The following SLC9A9 variants were observed in gnomAD, a reference collection of about 807,000 sequenced individuals.
SLC9A9 encodes solute carrier family 9 member A9.
A neutral mutation model predicts 77.8 loss-of-function variants in SLC9A9; 62 were observed. The ratio of observed to expected loss-of-function variants is 0.80; its 90% CI spans 0.65 to 0.98. SLC9A9 has a LOEUF of 0.98. Ranked by LOEUF, SLC9A9 falls within the 50% of genes least tolerant of loss-of-function variation. The pLI is 0.00. For missense variants in SLC9A9, 775 were observed against 774.9 expected (o/e 1.00, Z 0.00); for synonymous variants, 320 against 283.5 (o/e 1.13, Z -1.29).
intron 14 of SLC9A9, among the ~76,000 whole-genome samples, chr3:143,324,564 G>A (rs2031520025): frequency 6.6e-6 from 1 of 152,190 alleles, no homozygotes; most frequent in Non-Finnish European, 1.5e-5. Flanking sequence ...GCTCATGCCT[G>A]TAATCCCAGC....
chr3:143,734,463 C>T (rs1428014547), intron 4 of SLC9A9, among the ~76,000 whole-genome samples: 1 of 152,080 alleles, frequency 6.6e-6, no homozygotes, highest in African/African-American at 2.4e-5. Flanking sequence ...TGGCTGGGTG[C>T]AGTGGCTCAT....
chr3:143,314,641 C>T (rs1344594530), intron 14 of SLC9A9, among the ~76,000 whole-genome samples: 1 of 152,228 alleles, frequency 6.6e-6, no homozygotes, highest in African/African-American at 2.4e-5. Flanking sequence ...AAAAAGTTCT[C>T]CTTTGGCCCT....
chr3:143,380,459 T>G (rs561641858), intron 13 of SLC9A9, among the ~76,000 whole-genome samples: 473 of 42,644 alleles, frequency 0.011, 3 homozygotes, highest in African/African-American at 0.063. Flanking sequence ...AAAATTTAGA[T>G]AAAAGTTTTC....
intron 12 of SLC9A9, 78 bp from the exon 13 acceptor site, chr3:143,382,192 C>T (rs2033321550): frequency 1.4e-6 from 2 of 1,436,674 alleles, no homozygotes; most frequent in Non-Finnish European, 2.0e-6. Flanking sequence ...GATGACCTAA[C>T]CCAAACACAA....
intron 4 of SLC9A9, among the ~76,000 whole-genome samples, chr3:143,783,451 C>T (rs1370428081): frequency 2.6e-5 from 4 of 152,136 alleles, no homozygotes; most frequent in Non-Finnish European, 4.4e-5. Flanking sequence ...AGAGGCGTCT[C>T]CTGGCCCCCT....
At chr3:143,802,022 C>T (rs2008576066) in intron 2 of SLC9A9, among the ~76,000 whole-genome samples, 1 of 152,164 alleles carries the variant, frequency 6.6e-6, no homozygotes, top group African/African-American at 2.4e-5. Flanking sequence ...ATCCCATTGC[C>T]CTCGGCAACG....
chr3:143,325,715 T>C (rs545769050), intron 14 of SLC9A9, among the ~76,000 whole-genome samples: 2 of 152,364 alleles, frequency 1.3e-5, no homozygotes, highest in South Asian at 4.1e-4. Context: ...TTGGACCTCA[T>C]GCTGGTCAGT....
chr3:143,502,511 C>T (rs538767604), intron 9 of SLC9A9, among the ~76,000 whole-genome samples: 33 of 152,036 alleles, frequency 2.2e-4, no homozygotes, highest in Non-Finnish European at 3.5e-4. Context: ...ATATGTTTAT[C>T]ACTAATTCTG....
At chr3:143,340,223 A>C (rs2032054887) in intron 14 of SLC9A9, among the ~76,000 whole-genome samples, 1 of 152,162 alleles carries the variant, frequency 6.6e-6, no homozygotes, top group Non-Finnish European at 1.5e-5. Flanking sequence ...GCACAACCTC[A>C]CCAGACCACA....
chr3:143,587,028 G>C (rs1348695094), intron 6 of SLC9A9, among the ~76,000 whole-genome samples: 1 of 152,216 alleles, frequency 6.6e-6, no homozygotes, highest in African/African-American at 2.4e-5. Context: ...ATACCAGAGA[G>C]TGATTTTCCA....
chr3:143,835,992 C>T (rs191698363), intron 1 of SLC9A9, among the ~76,000 whole-genome samples: 47 of 152,306 alleles, frequency 3.1e-4, no homozygotes, highest in East Asian at 9.6e-4. Flanking sequence ...CAAGTCTGGG[C>T]GTCTGGGTAC....
At chr3:143,754,612 G>A (rs1316561894) in intron 4 of SLC9A9, among the ~76,000 whole-genome samples, 1 of 152,166 alleles carries the variant, frequency 6.6e-6, no homozygotes, top group Non-Finnish European at 1.5e-5. Flanking sequence ...GCGAGCTACT[G>A]AAAAGGCTGT....
At chr3:143,734,627 G>A (rs995847610) in intron 4 of SLC9A9, among the ~76,000 whole-genome samples, 6 of 151,602 alleles carry the variant, frequency 4.0e-5, no homozygotes, top group Non-Finnish European at 5.9e-5. Context: ...CCAGCTACTC[G>A]GGAGGCTGAG....
Position 143,663,041 on chromosome 3 carries a change from G to A in SLC9A9, c.650-10681C>T, listed in dbSNP as rs1188212275. 2.6e-5 allele frequency among the ~76,000 whole-genome samples: 4 copies of A among 152,180 alleles called. No homozygotes were observed. The East Asian group carries it at 7.7e-4, about 29-fold the overall frequency. The stretch of plus-strand genomic sequence containing the variant: ...AACTGGGAGACACCTCCCAGTAGGG[G>A]CTGACTGACACCTCATACAGCCAGC... On this transcript the variant is annotated intron_variant, in intron 5 of 15. Coordinates refer to ENST00000316549, the MANE Select transcript of SLC9A9 (RefSeq NM_173653.4).
At chr3:143,537,348 C>T (rs1477981292) in intron 9 of SLC9A9, among the ~76,000 whole-genome samples, 1 of 152,212 alleles carries the variant, frequency 6.6e-6, no homozygotes, top group African/African-American at 2.4e-5. Context: ...GAGGAGGGAG[C>T]TGGGTGGCAT....
At chr3:143,725,271 C>G (rs943967614) in intron 4 of SLC9A9, among the ~76,000 whole-genome samples, 8 of 152,090 alleles carry the variant, frequency 5.3e-5, no homozygotes, top group East Asian at 3.9e-4. Flanking sequence ...AATAGGAACA[C>G]TTTTACACTG....
chr3:143,295,977 T>A (rs1455790467), intron 14 of SLC9A9, among the ~76,000 whole-genome samples: 1 of 152,196 alleles, frequency 6.6e-6, no homozygotes, highest in Non-Finnish European at 1.5e-5. Flanking sequence ...CCTTTTCTTA[T>A]CACTCCTGTT....
At chr3:143,440,709 T>C (rs1289910444) in intron 12 of SLC9A9, among the ~76,000 whole-genome samples, 1 of 152,216 alleles carries the variant, frequency 6.6e-6, no homozygotes. Flanking sequence ...CTCTCTTTGA[T>C]GTGAAATTAC....
intron 6 of SLC9A9, among the ~76,000 whole-genome samples, chr3:143,620,846 C>T (rs1489138017): frequency 2.0e-5 from 3 of 152,242 alleles, no homozygotes; most frequent in South Asian, 4.1e-4. Flanking sequence ...TACAAGGGGT[C>T]AGGGAATTCC....
Sources: allele counts gnomAD v4.1 joint callset (sites outside exome capture counted in the v4.1 genomes callset), GRCh38; gene constraint gnomAD v4.1.1; transcripts MANE v1.5; gene names NCBI Gene and HGNC (gene_info 2026-07-23, HGNC 2026-07-21).